The following NIPSNAP1 variants were observed in gnomAD, a reference collection of about 807,000 sequenced individuals.
NIPSNAP1 encodes the protein nipsnap homolog 1.
Under a neutral mutation model 49.2 loss-of-function variants are expected in NIPSNAP1, and 25 were observed. That is an observed-to-expected ratio of 0.51 (90% CI 0.37 to 0.71). The LOEUF (loss-of-function observed/expected upper bound fraction) is 0.71, where lower values mean the gene tolerates loss of function less well. Ranked by LOEUF, NIPSNAP1 falls within the 30% of genes least tolerant of loss-of-function variation. The pLI is 0.00. For synonymous variants in NIPSNAP1, 143 were observed against 140.7 expected (o/e 1.02, Z -0.12); for missense variants, 294 against 361.0 (o/e 0.81, Z 1.50).
intron 6 of NIPSNAP1, 50 bp downstream of exon 6, chr22:29,561,456 T>C: frequency 6.2e-7 from 1 of 1,612,634 alleles, no homozygotes; most frequent in Non-Finnish European, 8.5e-7. Flanking sequence ...CAAAGCAGCA[T>C]TGCAGCAGGG....
At chr22:29,578,439 T>A (rs2064472164) in intron 1 of NIPSNAP1, among the ~76,000 whole-genome samples, 1 of 151,152 alleles carries the variant, frequency 6.6e-6, no homozygotes, top group Admixed American at 6.6e-5. Context: ...ACCGAAGTGT[T>A]GGGATTACAG....
rs1481397987 is a variant in NIPSNAP1, at chr22:29,555,563, C to G, written c.*372G>C. The G allele has an allele frequency of 3.4e-6, 1 of 290,010 alleles. No homozygotes were observed. Among genetic ancestry groups the G allele is most frequent in the African/African-American group, 2.2e-5 (1 of 46,174 alleles). 18.0% of individuals were successfully genotyped at this position (290,010 alleles called of 1,614,324 possible). Reference sequence around the variant, plus strand: ...TCTCTTCCCACCCCACCTCTAGCCACTGGACATACTACCTTTTGTGCAACT... The same window carrying G: ...TCTCTTCCCACCCCACCTCTAGCCAGTGGACATACTACCTTTTGTGCAACT... On this transcript the variant is annotated 3_prime_UTR_variant, in exon 10 of 10. Transcript: ENST00000216121.
intron 9 of NIPSNAP1, among the ~76,000 whole-genome samples, chr22:29,556,336 C>T (rs1236799075): frequency 6.6e-6 from 1 of 152,104 alleles, no homozygotes; most frequent in East Asian, 1.9e-4. Flanking sequence ...ACTAGCCTGA[C>T]CAACATGGAG....
At position 29,564,767 on chromosome 22, in the gene NIPSNAP1, G is replaced by T. The variant is rs966497613; in HGVS notation, c.368-2905C>A. 3.9e-5 allele frequency among the ~76,000 whole-genome samples: 6 copies of T among 152,262 alleles called. No individual in the cohort carries two copies. In the South Asian group the frequency reaches 1.2e-3, roughly 32 times the overall value. ...TGCTCTCCATAGGAGATGGATCAAT[G>T]GTTCTTACAAGTTTATTAAAATGTA... On this transcript the variant is annotated intron_variant, in intron 4 of 9. Transcript: ENST00000216121.
rs372170807 is a variant in NIPSNAP1, at chr22:29,561,494, G to T, written c.579+12C>A. On this transcript the variant is annotated intron_variant, in intron 6 of 9. Coordinates refer to ENST00000216121, the MANE Select transcript of NIPSNAP1 (RefSeq NM_003634.4). ...ATTGGGGGGCAGGAGGGGGTCTGTC[G>T]GAGGGAGGCACCTTGAGCTTGTATG... The T allele has an allele frequency of 6.8e-6, 11 of 1,613,890 alleles. No individual in the cohort carries two copies. Among genetic ancestry groups the T allele is most frequent in the Non-Finnish European group, 9.3e-6 (11 of 1,179,892 alleles).
rs1278223757 is a variant in NIPSNAP1 at position 29,555,572 on chromosome 22, C to G, written c.*363G>C. On this transcript the variant is annotated 3_prime_UTR_variant, in exon 10 of 10. Transcript: ENST00000216121. ...ACCCCACCTCTAGCCACTGGACATA[C>G]TACCTTTTGTGCAACTAAGCTAAAC... 3.3e-6 allele frequency: 1 copy of G among 305,492 alleles called. No homozygotes were observed. The highest frequency in any genetic ancestry group is 3.9e-5 in the Admixed American group (1 of 25,890). The allele number at this position is 305,492 out of a possible 1,614,324, so 18.9% of individuals were successfully genotyped here.
At chr22:29,570,679 A>G in intron 1 of NIPSNAP1, 147 bp from the exon 2 acceptor site, 1 of 1,095,356 alleles carries the variant, frequency 9.1e-7, no homozygotes, top group Non-Finnish European at 1.3e-6. Flanking sequence ...CAGACTGTGA[A>G]ATGCTATTGG....
intron 4 of NIPSNAP1, chr22:29,564,384 G>A (rs1344510918): frequency 2.1e-6 from 1 of 470,908 alleles, no homozygotes; most frequent in Non-Finnish European, 4.4e-6. Context: ...GTGGAAAACG[G>A]ATTAACGGAG....
chr22:29,556,085 G>C (rs2146598199), intron 9 of NIPSNAP1, 86 bp from the exon 10 acceptor site: 3 of 1,169,170 alleles, frequency 2.6e-6, no homozygotes, highest in South Asian at 2.7e-5. Context: ...GCTGGCCTTT[G>C]AGTGGGCAGG....
intron 1 of NIPSNAP1, among the ~76,000 whole-genome samples, chr22:29,578,343 TG>T (rs1415216535): frequency 6.6e-6 from 1 of 151,226 alleles, no homozygotes; most frequent in Non-Finnish European, 1.5e-5. Context: ...GCCAAATTTT[TG>T]TATTTTTTAT....
At chr22:29,556,417 G>A (rs924530891) in intron 9 of NIPSNAP1, among the ~76,000 whole-genome samples, 2 of 151,868 alleles carry the variant, frequency 1.3e-5, no homozygotes, top group Admixed American at 6.6e-5. Context: ...CTAGCTACTC[G>A]GGAGGCTGAG....
At chr22:29,560,910 A>T in intron 7 of NIPSNAP1, 82 bp from the exon 8 acceptor site, 1 of 1,331,120 alleles carries the variant, frequency 7.5e-7, no homozygotes, top group Non-Finnish European at 1.1e-6. Flanking sequence ...CACACTTCAC[A>T]GGAGGGGCCT....
chr22:29,572,806 T>TA (rs695508), intron 1 of NIPSNAP1, among the ~76,000 whole-genome samples: 7 of 150,372 alleles, frequency 4.7e-5, no homozygotes, highest in African/African-American at 1.7e-4. Context: ...CTCAAAAAAA[T>TA]AAAATAAAAT....
chr22:29,573,981 C>G (rs2064430141), intron 1 of NIPSNAP1, among the ~76,000 whole-genome samples: 1 of 151,228 alleles, frequency 6.6e-6, no homozygotes, highest in Non-Finnish European at 1.5e-5. Flanking sequence ...AGAGGCTGGG[C>G]ATGGTGGCTC....
rs780105863 is a variant in NIPSNAP1 at position 29,560,726 on chromosome 22, C to T, written c.706+8G>A. On this transcript the variant is annotated splice_region_variant and intron_variant, in intron 8 of 9. Coordinates refer to ENST00000216121, the MANE Select transcript of NIPSNAP1 (RefSeq NM_003634.4). ...TAACAAAAGGCTCCTGGAAGGTCCTCAACCTACCCCAGAGATGGTGCACCA... is the reference window on the plus strand; with the variant it reads ...TAACAAAAGGCTCCTGGAAGGTCCTTAACCTACCCCAGAGATGGTGCACCA... 8.7e-6 allele frequency: 14 copies of T among 1,613,546 alleles called. No homozygotes were observed. The highest frequency in any genetic ancestry group is 1.1e-5 in the Non-Finnish European group (13 of 1,179,512).
rs964142370 is a variant in NIPSNAP1, at chr22:29,580,975, G to C, written c.98+10C>G. 11 of 1,528,192 alleles carry C rather than the reference G, an allele frequency of 7.2e-6. No homozygotes were observed. The highest frequency in any genetic ancestry group is 5.9e-5 in the Admixed American group (3 of 50,554). The allele number at this position is 1,528,192 out of a possible 1,614,324, so 94.7% of individuals were successfully genotyped here. ...CGCGCGCGTCTATCCCTGCCTGGCC[G>C]GGCTCTCACCGCGCCGCAGCTGCAG... On this transcript the variant is annotated intron_variant, in intron 1 of 9. Transcript: ENST00000216121.
In NIPSNAP1 at chr22:29,569,235, C is replaced by T. The variant is rs771705391; in HGVS notation, c.325G>A (p.Val109Met). The change falls in exon 4 of 10, where the codon GTG (valine) becomes ATG (methionine). Residue 109 changes from valine (V) to methionine (M), a missense_variant. This residue lies in a region of NIPSNAP1 where 55 missense variants were observed against 46.2 expected (regional missense o/e 1.19). Coordinates refer to ENST00000216121, the MANE Select transcript of NIPSNAP1 (RefSeq NM_003634.4). ...CCATACCACGTGTTCCAGTTGCCCA[C>T]GAGTGAGCATGGGTAGTCCTCATCC... ...HLDEDYPCSL[V>M]GNWNTWYGEQ... is the part of the protein sequence containing the mutation. The T allele has an allele frequency of 4.3e-6, 7 of 1,613,908 alleles. No homozygotes were observed. The highest frequency in any genetic ancestry group is 1.3e-5 in the African/African-American group (1 of 74,888).
In NIPSNAP1 at chr22:29,569,275, C is replaced by A; in HGVS notation, c.285G>T (p.Leu95=). The A allele has an allele frequency of 1.2e-6, 2 of 1,613,904 alleles. No individual in the cohort carries two copies. Among genetic ancestry groups the A allele is most frequent in the Non-Finnish European group, 1.7e-6 (2 of 1,179,892 alleles). Residue 95 remains leucine (L), a synonymous_variant, in exon 4 of 10, where the codon CTG becomes CTT. Transcript: ENST00000216121. ...DAYNSLTEAV[L]PKLHLDEDYP... ...AGTCCTCATCCAGGTGAAGCTTGGG[C>A]AGCACAGCCTCCCTGTGGGGGAGGT...
chr22:29,567,696 T>A (rs2064377343), intron 4 of NIPSNAP1, among the ~76,000 whole-genome samples: 1 of 150,804 alleles, frequency 6.6e-6, no homozygotes, highest in African/African-American at 2.4e-5. Context: ...CTACAAAAAA[T>A]TTAAAATAAA....
Sources: gnomAD v4.1 joint callset for allele counts (sites outside exome capture counted in the v4.1 genomes callset) on GRCh38, gnomAD v4.1.1 for gene constraint, gnomAD v4.1.1 regional missense constraint, MANE v1.5 for transcripts, NCBI Gene and HGNC (gene_info 2026-07-23, HGNC 2026-07-21) for gene names.